Variants in PRKCE observed in about 807,000 individuals in gnomAD.
The protein encoded by PRKCE is protein kinase C epsilon.
Under a neutral mutation model 85.4 loss-of-function variants are expected in PRKCE, and 16 were observed. That is an observed-to-expected ratio of 0.19 (90% CI 0.13 to 0.28). The LOEUF (loss-of-function observed/expected upper bound fraction) is 0.28. Ranked by LOEUF, PRKCE falls within the 10% of genes least tolerant of loss-of-function variation. The pLI, the probability that PRKCE is intolerant of heterozygous loss-of-function variation, is 1.00. For missense variants in PRKCE, 573 were observed against 975.2 expected (o/e 0.59, Z 5.49); for synonymous variants, 388 against 371.5 (o/e 1.04, Z -0.51).
At chr2:46,112,499 TTTTGTTTG>T (rs148218328) in intron 11 of PRKCE, among the ~76,000 whole-genome samples, 58,112 of 140,376 alleles carry the variant, frequency 0.41, 12,892 homozygotes, top group East Asian at 0.58. Context: ...TTGGTTTTTT[TTTTGTTTG>T]TTTGTTTGTT....
intron 2 of PRKCE, among the ~76,000 whole-genome samples, chr2:45,949,720 A>G (rs1025813063): frequency 6.6e-6 from 1 of 152,070 alleles, no homozygotes; most frequent in African/African-American, 2.4e-5. Context: ...CCCCAGTTTG[A>G]CAACCATGGA....
At chr2:45,831,328 A>G (rs568287336) in intron 1 of PRKCE, among the ~76,000 whole-genome samples, 4 of 152,394 alleles carry the variant, frequency 2.6e-5, no homozygotes, top group Admixed American at 6.5e-5. Flanking sequence ...GAAATTAACT[A>G]TGGTTAGAGA....
chr2:45,759,594 A>G (rs1684274719), intron 1 of PRKCE, among the ~76,000 whole-genome samples: 1 of 152,162 alleles, frequency 6.6e-6, no homozygotes, highest in Non-Finnish European at 1.5e-5. Context: ...CCATCTCCTT[A>G]AGGGCAGACC....
At chr2:46,124,735 A>G (rs1255606305) in intron 11 of PRKCE, among the ~76,000 whole-genome samples, 6 of 152,224 alleles carry the variant, frequency 3.9e-5, no homozygotes, top group Admixed American at 1.3e-4. Flanking sequence ...GACTGGGCTC[A>G]TTCCCAGTCT....
intron 14 of PRKCE, among the ~76,000 whole-genome samples, chr2:46,178,982 T>A (rs1043071075): frequency 6.6e-6 from 1 of 152,038 alleles, no homozygotes; most frequent in Non-Finnish European, 1.5e-5. Flanking sequence ...ATGCTGGCAT[T>A]TAGGAGACCA....
intron 1 of PRKCE, among the ~76,000 whole-genome samples, chr2:45,788,238 A>AT (rs1270376882): frequency 6.6e-6 from 1 of 152,130 alleles, no homozygotes; most frequent in Non-Finnish European, 1.5e-5. Context: ...CTTACCTTTT[A>AT]TTATTACTAT....
At chr2:46,039,941 G>A (rs1349126465) in intron 10 of PRKCE, among the ~76,000 whole-genome samples, 3 of 152,162 alleles carry the variant, frequency 2.0e-5, no homozygotes, top group Non-Finnish European at 4.4e-5. Context: ...ATGGATTGTG[G>A]TTGTGCTTGT....
intron 1 of PRKCE, among the ~76,000 whole-genome samples, chr2:45,663,639 C>T (rs545140498): frequency 2.0e-5 from 3 of 152,186 alleles, no homozygotes; most frequent in African/African-American, 7.2e-5. Context: ...AAAAATTAGC[C>T]AGGCGTGGTG....
chr2:45,804,060 G>A (rs773889861), intron 1 of PRKCE, among the ~76,000 whole-genome samples: 29 of 152,194 alleles, frequency 1.9e-4, no homozygotes, highest in East Asian at 1.9e-4. Flanking sequence ...AGAGGGTCCT[G>A]GGTTGCCTGG....
chr2:46,124,637 C>T (rs374315908), intron 11 of PRKCE, among the ~76,000 whole-genome samples: 1 of 152,178 alleles, frequency 6.6e-6, no homozygotes, highest in East Asian at 1.9e-4. Flanking sequence ...TTTATGTTCA[C>T]ACTTGTGGGC....
chr2:45,688,342 T>C (rs1361128560), intron 1 of PRKCE, among the ~76,000 whole-genome samples: 4 of 152,124 alleles, frequency 2.6e-5, no homozygotes, highest in African/African-American at 9.7e-5. Context: ...GGGGTACATA[T>C]CAGAAGAGGG....
Position 46,184,798 on chromosome 2 carries a change from C to A in PRKCE, c.2131C>A (p.Leu711Ile), listed in dbSNP as rs372429367. The A allele has an allele frequency of 7.5e-6, 12 of 1,599,654 alleles. No homozygotes were observed. Among genetic ancestry groups the A allele is most frequent in the Non-Finnish European group, 1.0e-5 (12 of 1,179,964 alleles). Residue 711 changes from leucine (L) to isoleucine (I), a missense_variant, in exon 15 of 15, where the codon CTT becomes ATT. Physicochemically the swap from Leu to Ile is conservative, Grantham distance 5. Coordinates refer to ENST00000306156, the MANE Select transcript of PRKCE (RefSeq NM_005400.3). This position sits in a 1 kb window ranked among gnomAD's most constrained non-coding sequence, Gnocchi z 5.0. ...TACCCGGGAAGAGCCGGTACTCACC[C>A]TTGTGGACGAAGCAATTGTAAAGCA... The part of the protein sequence containing the change: ...DFTREEPVLT[L>I]VDEAIVKQIN...
At chr2:45,780,118 C>T (rs1686066246) in intron 1 of PRKCE, among the ~76,000 whole-genome samples, 1 of 152,148 alleles carries the variant, frequency 6.6e-6, no homozygotes, top group Non-Finnish European at 1.5e-5. Flanking sequence ...TTAAAGAAAC[C>T]TGTATTCTTT....
chr2:46,010,620 A>G (rs986527925), intron 10 of PRKCE, 103 bp downstream of exon 10: 1 of 1,599,258 alleles, frequency 6.3e-7, no homozygotes, highest in Non-Finnish European at 8.5e-7. Flanking sequence ...AAGACTTTGT[A>G]AAGTGGGATG....
chr2:45,941,359 G>A (rs1263941138), intron 2 of PRKCE, among the ~76,000 whole-genome samples: 4 of 152,178 alleles, frequency 2.6e-5, no homozygotes, highest in African/African-American at 9.7e-5. Flanking sequence ...GACATCATTG[G>A]TATATTCATC....
At chr2:45,799,888 A>T (rs56189602) in intron 1 of PRKCE, among the ~76,000 whole-genome samples, 7,406 of 152,268 alleles carry the variant, frequency 0.049, 612 homozygotes, top group African/African-American at 0.17. Flanking sequence ...CAGTCATGTC[A>T]CCAGGCTGCA....
intron 2 of PRKCE, among the ~76,000 whole-genome samples, chr2:45,953,872 G>A (rs191008740): frequency 3.9e-4 from 59 of 152,256 alleles, no homozygotes; most frequent in African/African-American, 1.3e-3. Context: ...AATTATTTTC[G>A]TGTACCTCCT....
intron 11 of PRKCE, among the ~76,000 whole-genome samples, chr2:46,113,482 A>AT (rs1441777299): frequency 6.6e-6 from 1 of 152,224 alleles, no homozygotes; most frequent in African/African-American, 2.4e-5. Flanking sequence ...AGTTGTCCTC[A>AT]TATCTCTTCC....
In PRKCE at chr2:46,187,690, G is replaced by A. The variant is rs1480294155; in HGVS notation, c.*2809G>A. On this transcript the variant is annotated 3_prime_UTR_variant, in exon 15 of 15. Coordinates refer to ENST00000306156, the MANE Select transcript of PRKCE (RefSeq NM_005400.3). Reference sequence around the variant, plus strand: ...AAACATAATTTTTTTTCCTCCAAAGGTGAAAAAACAATGCATTCTTGCTTT... The same window carrying A: ...AAACATAATTTTTTTTCCTCCAAAGATGAAAAAACAATGCATTCTTGCTTT... 1 of 150,118 alleles carries A rather than the reference G, an allele frequency of 6.7e-6. No homozygotes were observed. Among genetic ancestry groups the A allele is most frequent in the Non-Finnish European group, 1.5e-5 (1 of 67,562 alleles). The allele number at this position is 150,118 out of a possible 1,614,324, so 9.3% of individuals were successfully genotyped here.
Sources: allele counts gnomAD v4.1 joint callset (sites outside exome capture counted in the v4.1 genomes callset), GRCh38; gene constraint gnomAD v4.1.1; non-coding constraint Gnocchi (gnomAD v3.1); transcripts MANE v1.5; gene names NCBI Gene and HGNC (gene_info 2026-07-23, HGNC 2026-07-21).